The following SPAG16 variants were observed in gnomAD, a reference collection of about 807,000 sequenced individuals.
SPAG16 encodes the protein sperm associated antigen 16.
Under a neutral mutation model 80.4 loss-of-function variants are expected in SPAG16, and 86 were observed. That is an observed-to-expected ratio of 1.07 (90% confidence interval 0.90 to 1.28). The LOEUF (loss-of-function observed/expected upper bound fraction) is 1.28. Ranked by LOEUF, SPAG16 falls within the 50% of genes most tolerant of loss-of-function variation. The probability of loss-of-function intolerance (pLI) is 0.00; values close to 1 mark genes in which losing one functional copy is unlikely to be tolerated. For missense variants in SPAG16, 870 were observed against 765.3 expected (o/e 1.14, Z -1.61); for synonymous variants, 294 against 265.9 (o/e 1.11, Z -1.03).
chr2:213,391,782 A>AATG (rs1417181987), intron 9 of SPAG16, among the ~76,000 whole-genome samples: 2 of 152,310 alleles, frequency 1.3e-5, no homozygotes, highest in African/African-American at 4.8e-5. Flanking sequence ...ATTACTTTTT[A>AATG]ACTACTTTAG....
At chr2:214,288,064 T>G (rs1576684741) in intron 15 of SPAG16, among the ~76,000 whole-genome samples, 2 of 152,258 alleles carry the variant, frequency 1.3e-5, no homozygotes, top group Admixed American at 1.3e-4. Context: ...AACCTTGGTT[T>G]ACCGCCCCCC....
intron 15 of SPAG16, among the ~76,000 whole-genome samples, chr2:214,359,713 ATG>A (rs1279173807): frequency 6.6e-6 from 1 of 151,916 alleles, no homozygotes; most frequent in African/African-American, 2.4e-5. Flanking sequence ...GAGCAACAGA[ATG>A]TATCTCAATG....
At chr2:214,275,084 A>G (rs1197692417) in intron 15 of SPAG16, among the ~76,000 whole-genome samples, 1 of 152,148 alleles carries the variant, frequency 6.6e-6, no homozygotes, top group Non-Finnish European at 1.5e-5. Flanking sequence ...TTATTTGTGT[A>G]GAGGTGTTTA....
intron 13 of SPAG16, among the ~76,000 whole-genome samples, chr2:214,064,030 C>G (rs2050412481): frequency 6.6e-6 from 1 of 152,046 alleles, no homozygotes; most frequent in African/African-American, 2.4e-5. Flanking sequence ...TTCCAACAAC[C>G]TAGAGTCATG....
intron 10 of SPAG16, among the ~76,000 whole-genome samples, chr2:213,692,630 GA>G (rs759767349): frequency 2.6e-5 from 4 of 151,998 alleles, no homozygotes; most frequent in Non-Finnish European, 5.9e-5. Context: ...CTAACACGGT[GA>G]AACCCCGACT....
At chr2:214,353,845 T>G (rs572925524) in intron 15 of SPAG16, among the ~76,000 whole-genome samples, 1 of 152,294 alleles carries the variant, frequency 6.6e-6, no homozygotes, top group East Asian at 1.9e-4. Flanking sequence ...TCTATCACAC[T>G]TGTGGTTCAA....
intron 10 of SPAG16, among the ~76,000 whole-genome samples, chr2:213,792,569 T>C (rs967110485): frequency 1.1e-4 from 17 of 148,108 alleles, no homozygotes; most frequent in South Asian, 4.3e-4. Flanking sequence ...TCAGTGAAAA[T>C]GAGTATCTTT....
chr2:213,515,253 A>G (rs563580281), intron 10 of SPAG16, among the ~76,000 whole-genome samples: 8 of 152,310 alleles, frequency 5.3e-5, no homozygotes, highest in African/African-American at 1.7e-4. Context: ...CCCTACTGAT[A>G]TCTTCAAACT....
At position 213,938,726 on chromosome 2, in the gene SPAG16, A is replaced by G. The variant is rs543124370; in HGVS notation, c.1400+8581A>G. Among the ~76,000 whole-genome samples, 4 of 152,168 alleles carry G rather than the reference A, an allele frequency of 2.6e-5. No individual in the cohort carries two copies. In the South Asian group the frequency reaches 8.3e-4, roughly 31 times the overall value. ...TCAAATGTCCAAGGACATCAAATCA[A>G]AATAAAAGAAGTAAACTGGTTACTA... On this transcript the variant is annotated intron_variant, in intron 12 of 15. Coordinates refer to ENST00000331683, the MANE Select transcript of SPAG16 (RefSeq NM_024532.5).
rs971190026 is a variant in SPAG16 at position 213,350,439 on chromosome 2, G to T, written c.645-89G>T. On this transcript the variant is annotated intron_variant, in intron 6 of 15. Transcript: ENST00000331683. Reference sequence around the variant, plus strand: ...TTCATTTTTATTTCACAGCAAAAAAGAAAAAGAAAAAAAGGTTTTGATGTT... The same window carrying T: ...TTCATTTTTATTTCACAGCAAAAAATAAAAAGAAAAAAAGGTTTTGATGTT... The T allele has an allele frequency of 6.2e-5, 40 of 648,952 alleles. No homozygotes were observed. In the African/African-American group the frequency reaches 6.3e-4, roughly 10 times the overall value. The allele number at this position is 648,952 out of a possible 1,614,324, so 40.2% of individuals were successfully genotyped here.
intron 7 of SPAG16, among the ~76,000 whole-genome samples, chr2:213,359,435 T>G (rs1399780102): frequency 6.6e-6 from 1 of 152,164 alleles, no homozygotes; most frequent in Non-Finnish European, 1.5e-5. Context: ...CTCCTCCAGT[T>G]TGAGCTTCCC....
chr2:213,933,644 T>A (rs2078865645), intron 12 of SPAG16, among the ~76,000 whole-genome samples: 1 of 152,210 alleles, frequency 6.6e-6, no homozygotes, highest in Non-Finnish European at 1.5e-5. Context: ...ATTGGGTGGT[T>A]TGTACCAAGG....
intron 13 of SPAG16, among the ~76,000 whole-genome samples, chr2:214,041,665 C>T (rs2049015174): frequency 6.6e-6 from 1 of 151,442 alleles, no homozygotes; most frequent in South Asian, 2.1e-4. Flanking sequence ...CCAAAGGGCA[C>T]TTATTTCTTG....
chr2:214,034,279 C>G lies in SPAG16; in HGVS notation c.1527+20202C>G, dbSNP rs566764651. On this transcript the variant is annotated intron_variant, in intron 13 of 15. Coordinates refer to ENST00000331683, the MANE Select transcript of SPAG16 (RefSeq NM_024532.5). ...GGTTATGGTAGACTCTGCTGTCTCT[C>G]TACTGTAAAGCAGAATATTTAACTT... 3.4e-4 allele frequency among the ~76,000 whole-genome samples: 52 copies of G among 152,338 alleles called. No individual in the cohort carries two copies. The Middle Eastern group carries it at 0.01, about 30-fold the overall frequency.
chr2:213,544,682 C>T (rs1337621236), intron 10 of SPAG16, among the ~76,000 whole-genome samples: 2 of 152,116 alleles, frequency 1.3e-5, no homozygotes, highest in East Asian at 1.9e-4. Flanking sequence ...ATTCATATCG[C>T]TCCCCCCTCG....
intron 10 of SPAG16, among the ~76,000 whole-genome samples, chr2:213,596,841 A>C (rs942436158): frequency 3.9e-5 from 6 of 152,152 alleles, no homozygotes; most frequent in African/African-American, 1.4e-4. Flanking sequence ...ATCTGTAGTC[A>C]CCAAGCAAAC....
rs761738730 is a variant in SPAG16, at chr2:214,410,235, G to T, written c.1816G>T (p.Ala606Ser). Residue 606 changes from alanine (A) to serine (S), a missense_variant, in exon 16 of 16, where the codon GCA (alanine) becomes TCA (serine). Coordinates refer to ENST00000331683, the MANE Select transcript of SPAG16 (RefSeq NM_024532.5). Reference protein sequence around the residue: ...IHKLMGHENEAHTVVFSHDGE... With the variant: ...IHKLMGHENESHTVVFSHDGE... ...CAAATTGATGGGCCACGAAAACGAG[G>T]CACACACGGTTGTGTTTTCTCACGA... The T allele has an allele frequency of 1.2e-6, 2 of 1,613,266 alleles. No homozygotes were observed. Among genetic ancestry groups the T allele is most frequent in the African/African-American group, 2.7e-5 (2 of 74,894 alleles).
At chr2:213,509,434 A>T (rs1311723194) in intron 10 of SPAG16, among the ~76,000 whole-genome samples, 1 of 152,176 alleles carries the variant, frequency 6.6e-6, no homozygotes. Context: ...GGTCAAAAAC[A>T]AGGAAGGAAA....
At chr2:214,243,863 A>T (rs1016574830) in intron 15 of SPAG16, among the ~76,000 whole-genome samples, 2 of 152,090 alleles carry the variant, frequency 1.3e-5, no homozygotes, top group African/African-American at 2.4e-5. Context: ...ACATCCTACA[A>T]ATAGGAATGA....
Sources: gnomAD v4.1 joint callset for allele counts (sites outside exome capture counted in the v4.1 genomes callset) on GRCh38, gnomAD v4.1.1 for gene constraint, MANE v1.5 for transcripts, NCBI Gene and HGNC (gene_info 2026-07-23, HGNC 2026-07-21) for gene names.